The following CHIC2 variants were observed in gnomAD, a reference collection of about 807,000 sequenced individuals.
CHIC2 encodes cysteine rich hydrophobic domain 2.
CHIC2 carries 14 observed loss-of-function variants against 25.9 expected under a neutral mutation model. That is an observed-to-expected ratio of 0.54 (90% CI 0.36 to 0.85). CHIC2 has a LOEUF of 0.85. CHIC2 is among the 40% of genes least tolerant of loss of function. The probability of loss-of-function intolerance (pLI) is 0.01; values close to 1 mark genes in which losing one functional copy is unlikely to be tolerated. For synonymous variants in CHIC2, 70 were observed against 72.0 expected (o/e 0.97, Z 0.14); for missense variants, 146 against 202.0 (o/e 0.72, Z 1.68).
chr4:54,021,073 TC>T (rs2110064055), intron 3 of CHIC2, among the ~76,000 whole-genome samples: 1 of 152,016 alleles, frequency 6.6e-6, no homozygotes, highest in Admixed American at 6.5e-5. Flanking sequence ...CACCCTCCAT[TC>T]CCCCTTCTTC....
chr4:54,042,923 G>T lies in CHIC2; in HGVS notation c.330+6032C>A, dbSNP rs375764410. Among the ~76,000 whole-genome samples the T allele has an allele frequency of 1.6e-4, 25 of 152,224 alleles. No homozygotes were observed. The South Asian group carries it at 5.2e-3, about 32-fold the overall frequency. ...TCTTTTATTTTATAACAGAAATCAA[G>T]GGACAAAGAGAATTTGATCATCCAT... On this transcript the variant is annotated intron_variant, in intron 3 of 5. Coordinates refer to ENST00000263921, the MANE Select transcript of CHIC2 (RefSeq NM_012110.4).
At chr4:54,027,400 G>A (rs569880296) in intron 3 of CHIC2, among the ~76,000 whole-genome samples, 27 of 152,028 alleles carry the variant, frequency 1.8e-4, no homozygotes, top group Admixed American at 1.6e-3. Flanking sequence ...TTAGTAATGC[G>A]GTTTAATTTT....
At chr4:54,085,758 G>A in the CHIC2 span, among the ~76,000 whole-genome samples, 1 of 152,048 alleles carries the variant, frequency 6.6e-6, no homozygotes, top group African/African-American at 2.4e-5. Flanking sequence ...TAATCTCAGG[G>A]CCACTGGATT....
chr4:54,086,692 T>C, the CHIC2 span, among the ~76,000 whole-genome samples: 3 of 152,200 alleles, frequency 2.0e-5, no homozygotes, highest in African/African-American at 7.2e-5. Context: ...AAGCGGCAGC[T>C]AGAAAGATCT....
intron 3 of CHIC2, among the ~76,000 whole-genome samples, chr4:54,020,487 C>T (rs1416998413): frequency 6.6e-6 from 1 of 152,206 alleles, no homozygotes; most frequent in Non-Finnish European, 1.5e-5. Context: ...GTTTGGTGGT[C>T]TCTTCACACT....
At chr4:54,047,779 C>G (rs1716880299) in intron 3 of CHIC2, among the ~76,000 whole-genome samples, 1 of 151,208 alleles carries the variant, frequency 6.6e-6, no homozygotes, top group Non-Finnish European at 1.5e-5. Flanking sequence ...TGCACATGTA[C>G]CCTAGAATTT....
rs533580669 is a variant in CHIC2 at position 54,009,946 on chromosome 4, C to T, written c.*149G>A. 5.9e-6 allele frequency: 3 copies of T among 509,356 alleles called. No individual in the cohort carries two copies. The highest frequency in any genetic ancestry group is 3.3e-5 in the South Asian group (1 of 29,886). 31.6% of individuals were successfully genotyped at this position (509,356 alleles called of 1,614,324 possible). A position where few individuals can be genotyped will look rare whatever the true frequency, so the allele number is the denominator to read the frequency against. On this transcript the variant is annotated 3_prime_UTR_variant, in exon 6 of 6. Coordinates refer to ENST00000263921, the MANE Select transcript of CHIC2 (RefSeq NM_012110.4). ...GACAAAAATGCACACTTAGAACATGCGGTTATTTAAAAAAAAAACAAAAAC... is the reference window on the plus strand; with the variant it reads ...GACAAAAATGCACACTTAGAACATGTGGTTATTTAAAAAAAAAACAAAAAC...
At chr4:54,028,138 A>G (rs1223408575) in intron 3 of CHIC2, among the ~76,000 whole-genome samples, 1 of 152,210 alleles carries the variant, frequency 6.6e-6, no homozygotes. Context: ...AAGTACTGCA[A>G]AAGTTAATAT....
the CHIC2 span, among the ~76,000 whole-genome samples, chr4:54,080,124 A>G: frequency 0.016 from 2,323 of 149,196 alleles, 48 homozygotes; most frequent in African/African-American, 0.054. Flanking sequence ...GTATATATAT[A>G]TACATATATA....
the CHIC2 span, chr4:54,087,683 A>T: frequency 1.8e-6 from 1 of 540,804 alleles, no homozygotes; most frequent in Non-Finnish European, 3.3e-6. Flanking sequence ...TTGTTGGGCC[A>T]TTTGCATGAT....
At chr4:54,043,492 CA>C (rs1403927309) in intron 3 of CHIC2, among the ~76,000 whole-genome samples, 1 of 151,182 alleles carries the variant, frequency 6.6e-6, no homozygotes, top group Non-Finnish European at 1.5e-5. Context: ...GAGTGGGGGC[CA>C]ATATTCAACA....
intron 1 of CHIC2, among the ~76,000 whole-genome samples, chr4:54,053,464 G>A (rs564541364): frequency 1.3e-5 from 2 of 151,436 alleles, no homozygotes; most frequent in African/African-American, 4.8e-5. Context: ...GCTGAGGTAG[G>A]AGAATTGCTG....
At position 54,031,840 on chromosome 4, in the gene CHIC2, G is replaced by GAACGCCTGGTCTCA. The variant is rs556714496; in HGVS notation, c.330+17101_330+17114dup. On this transcript the variant is annotated intron_variant, in intron 3 of 5. Transcript: ENST00000263921. ...TCACCATGTTGGCCAGGCTGGTCTTGAACGCCTGGTCTCAAGCAATCCACT... is the reference window on the plus strand; with the variant it reads ...TCACCATGTTGGCCAGGCTGGTCTTGAACGCCTGGTCTCAAACGCCTGGTCTCAAGCAATCCACT... 3.3e-5 allele frequency among the ~76,000 whole-genome samples: 5 copies of GAACGCCTGGTCTCA among 151,938 alleles called. No individual in the cohort carries two copies. The South Asian group carries it at 1.0e-3, about 32-fold the overall frequency.
intron 3 of CHIC2, among the ~76,000 whole-genome samples, chr4:54,025,488 C>A (rs1716029513): frequency 6.6e-6 from 1 of 152,170 alleles, no homozygotes; most frequent in Non-Finnish European, 1.5e-5. Flanking sequence ...GTGAAATAAA[C>A]AGCCTTGTCG....
intron 3 of CHIC2, among the ~76,000 whole-genome samples, chr4:54,022,664 A>G (rs1194976477): frequency 6.6e-6 from 1 of 151,874 alleles, no homozygotes; most frequent in East Asian, 1.9e-4. Flanking sequence ...CCTCCTTCAC[A>G]TCTTCCTCTT....
chr4:54,045,694 T>C (rs1716762969), intron 3 of CHIC2, among the ~76,000 whole-genome samples: 2 of 151,914 alleles, frequency 1.3e-5, no homozygotes, highest in South Asian at 2.1e-4. Context: ...GCCAATATCA[T>C]ACTGAATGGG....
At chr4:54,036,102 TTTAA>T (rs1364746199) in intron 3 of CHIC2, among the ~76,000 whole-genome samples, 2 of 152,218 alleles carry the variant, frequency 1.3e-5, no homozygotes, top group Non-Finnish European at 2.9e-5. Flanking sequence ...TTAAGACTTG[TTTAA>T]TTACTTTGAA....
At chr4:54,037,737 A>G (rs1284664026) in intron 3 of CHIC2, among the ~76,000 whole-genome samples, 1 of 152,222 alleles carries the variant, frequency 6.6e-6, no homozygotes, top group African/African-American at 2.4e-5. Context: ...AAATTAAACT[A>G]GAAATCAGTA....
chr4:54,048,043 C>T (rs966482231), intron 3 of CHIC2, among the ~76,000 whole-genome samples: 3 of 152,082 alleles, frequency 2.0e-5, no homozygotes, highest in Admixed American at 2.0e-4. Flanking sequence ...GGCTGGAGTG[C>T]AATGGCACGA....
Sources: allele counts gnomAD v4.1 joint callset (sites outside exome capture counted in the v4.1 genomes callset), GRCh38; gene constraint gnomAD v4.1.1; transcripts MANE v1.5; gene names NCBI Gene and HGNC (gene_info 2026-07-23, HGNC 2026-07-21).